CADM2: variants seen among roughly 807,000 people sequenced by gnomAD.
CADM2 encodes immunoglobulin superfamily member 4D.
In CADM2, 12 loss-of-function variants were observed where a neutral mutation model predicts 49.8. The ratio of observed to expected loss-of-function variants is 0.24; its 90% CI spans 0.15 to 0.39. CADM2 has a LOEUF of 0.39. CADM2 is among the 10% of genes least tolerant of loss of function. The probability of loss-of-function intolerance (pLI) is 1.00; values close to 1 mark genes in which losing one functional copy is unlikely to be tolerated. For missense variants in CADM2, 378 were observed against 492.3 expected, an observed-to-expected ratio of 0.77 and a Z score of 2.20; for synonymous variants, 214 against 175.4, an observed-to-expected ratio of 1.22 and a Z score of -1.74.
At chr3:85,930,649 T>C (rs1399102647) in intron 6 of CADM2, among the ~76,000 whole-genome samples, 1 of 152,082 alleles carries the variant, frequency 6.6e-6, no homozygotes, top group African/African-American at 2.4e-5. Flanking sequence ...CTACTCTCTA[T>C]GATTACGAGT....
chr3:85,108,414 A>C (rs2107562961), intron 1 of CADM2, among the ~76,000 whole-genome samples: 1 of 152,298 alleles, frequency 6.6e-6, no homozygotes, highest in East Asian at 1.9e-4. Flanking sequence ...AATCTTGAAG[A>C]TATTATACTA....
intron 1 of CADM2, among the ~76,000 whole-genome samples, chr3:85,491,427 A>G (rs2039664082): frequency 6.6e-6 from 1 of 152,134 alleles, no homozygotes; most frequent in Non-Finnish European, 1.5e-5. Flanking sequence ...TGGAAAATTA[A>G]TTTCCTTCAT....
At chr3:85,084,884 T>G (rs1052626444) in intron 1 of CADM2, among the ~76,000 whole-genome samples, 2 of 152,100 alleles carry the variant, frequency 1.3e-5, no homozygotes, top group African/African-American at 2.4e-5. Context: ...AGATTCTTAA[T>G]GATAGGAGAC....
At chr3:85,172,842 T>A (rs1336967455) in intron 1 of CADM2, among the ~76,000 whole-genome samples, 1 of 146,766 alleles carries the variant, frequency 6.8e-6, no homozygotes, top group Non-Finnish European at 1.5e-5. Flanking sequence ...AATATATATA[T>A]TATATATAAA....
chr3:85,990,751 A>G (rs142708906), intron 8 of CADM2, among the ~76,000 whole-genome samples: 15 of 152,302 alleles, frequency 9.8e-5, no homozygotes, highest in East Asian at 3.9e-4. Context: ...GTGAATATCA[A>G]TGAGATTATC....
intron 8 of CADM2, among the ~76,000 whole-genome samples, chr3:85,984,773 C>T (rs1198901483): frequency 6.6e-6 from 1 of 151,874 alleles, no homozygotes; most frequent in Non-Finnish European, 1.5e-5. Flanking sequence ...CCATGTAAAA[C>T]TTCAAATGAA....
chr3:85,092,617 C>G (rs1188045799), intron 1 of CADM2, among the ~76,000 whole-genome samples: 1 of 152,068 alleles, frequency 6.6e-6, no homozygotes, highest in Non-Finnish European at 1.5e-5. Flanking sequence ...ATCAGTTTAG[C>G]CTCATCAGTT....
chr3:85,651,593 A>G (rs1442397963), intron 1 of CADM2, among the ~76,000 whole-genome samples: 3 of 152,160 alleles, frequency 2.0e-5, no homozygotes, highest in Admixed American at 6.5e-5. Flanking sequence ...GATATAACAA[A>G]GAAATTGAAA....
At position 86,073,051 on chromosome 3, in the gene CADM2, C is replaced by A. The variant is rs372554588; in HGVS notation, c.*6268C>A. 32 of 152,118 alleles carry A rather than the reference C, an allele frequency of 2.1e-4. No homozygotes were observed. The East Asian group carries it at 3.9e-3, about 18-fold the overall frequency. 9.4% of individuals were successfully genotyped at this position (152,118 alleles called of 1,614,324 possible). Reference sequence around the variant, plus strand: ...TGACCTGTTTTCTTCATATTGCATTCACATCAATATTTGTGAATTTGTTGT... The same window carrying A: ...TGACCTGTTTTCTTCATATTGCATTAACATCAATATTTGTGAATTTGTTGT... On this transcript the variant is annotated 3_prime_UTR_variant, in exon 10 of 10. Transcript: ENST00000383699.
chr3:85,543,263 A>T (rs79804843), intron 1 of CADM2, among the ~76,000 whole-genome samples: 27,548 of 57,192 alleles, frequency 0.48, 6,519 homozygotes, highest in African/African-American at 0.64. Context: ...TTTTATTTTT[A>T]TTTTTTTTGG....
chr3:85,652,838 C>CACGA, intron 1 of CADM2, among the ~76,000 whole-genome samples: 1 of 115,994 alleles, frequency 8.6e-6, no homozygotes, highest in Middle Eastern at 7.8e-3. Context: ...AGTGCAATGA[C>CACGA]ATGATCTCGG....
chr3:85,943,138 G>A (rs945227464), intron 7 of CADM2, among the ~76,000 whole-genome samples: 3 of 151,266 alleles, frequency 2.0e-5, no homozygotes, highest in South Asian at 2.1e-4. Flanking sequence ...GTCTTCTTTT[G>A]AGAAGTGTCT....
chr3:85,074,165 A>C (rs1011512797), intron 1 of CADM2, among the ~76,000 whole-genome samples: 6 of 152,148 alleles, frequency 3.9e-5, no homozygotes, highest in Admixed American at 6.5e-5. Flanking sequence ...ACTTCTCTCC[A>C]GCCACATTAA....
intron 1 of CADM2, among the ~76,000 whole-genome samples, chr3:85,209,307 C>G (rs2041721526): frequency 6.6e-6 from 1 of 152,018 alleles, no homozygotes; most frequent in Admixed American, 6.5e-5. Flanking sequence ...AAGCAATGTG[C>G]TAAGTGCTTT....
chr3:85,016,105 A>C (rs2034237379), intron 1 of CADM2, among the ~76,000 whole-genome samples: 1 of 152,128 alleles, frequency 6.6e-6, no homozygotes, highest in Admixed American at 6.6e-5. Flanking sequence ...TTATAATAGG[A>C]AAAGAAGGGT....
intron 6 of CADM2, among the ~76,000 whole-genome samples, chr3:85,932,084 T>C (rs2108529469): frequency 6.6e-6 from 1 of 151,672 alleles, no homozygotes; most frequent in Non-Finnish European, 1.5e-5. Flanking sequence ...GACCATTTAC[T>C]ATTTTGGCAA....
intron 8 of CADM2, among the ~76,000 whole-genome samples, chr3:85,995,313 A>G (rs1008176382): frequency 6.6e-6 from 1 of 152,206 alleles, no homozygotes; most frequent in African/African-American, 2.4e-5. Flanking sequence ...GTATTGATTT[A>G]CAATTAAAGT....
chr3:85,981,748 G>C (rs1374355735), intron 8 of CADM2, among the ~76,000 whole-genome samples: 1 of 151,626 alleles, frequency 6.6e-6, no homozygotes, highest in Non-Finnish European at 1.5e-5. Context: ...TCTTCATCCA[G>C]TCCACCACTG....
intron 1 of CADM2, among the ~76,000 whole-genome samples, chr3:85,570,661 G>T (rs12634226): frequency 0.022 from 3,274 of 152,150 alleles, 145 homozygotes; most frequent in South Asian, 0.1. Flanking sequence ...ACCTAACACA[G>T]TGATTAGCTA....
Sources: gnomAD v4.1 joint callset for allele counts (sites outside exome capture counted in the v4.1 genomes callset) on GRCh38, gnomAD v4.1.1 for gene constraint, MANE v1.5 for transcripts, NCBI Gene and HGNC (gene_info 2026-07-23, HGNC 2026-07-21) for gene names.